XKR9: variants seen among roughly 807,000 people sequenced by gnomAD.
The protein encoded by XKR9 is XK related 9, also known as XK-related protein 9.
XKR9 carries 32 observed loss-of-function variants against 32.0 expected under a neutral mutation model. The observed-to-expected ratio is 1.00, with a 90% CI of 0.76 to 1.34. The LOEUF (loss-of-function observed/expected upper bound fraction) is 1.34, where lower values mean the gene tolerates loss of function less well. Among genes scored for constraint, XKR9 ranks in the 40% most tolerant of loss-of-function variants. XKR9 has a pLI of 0.00. For missense variants in XKR9, 546 were observed against 429.7 expected, an observed-to-expected ratio of 1.27 and a Z score of -2.39; for synonymous variants, 168 against 143.4, an observed-to-expected ratio of 1.17 and a Z score of -1.22.
chr8:70,797,132 C>T, the XKR9 span, among the ~76,000 whole-genome samples: 1 of 152,158 alleles, frequency 6.6e-6, no homozygotes, highest in Non-Finnish European at 1.5e-5. Flanking sequence ...TCAACTAACA[C>T]TTCAGTCTGT....
chr8:71,009,490 T>C, the XKR9 span, among the ~76,000 whole-genome samples: 1 of 152,200 alleles, frequency 6.6e-6, no homozygotes, highest in Non-Finnish European at 1.5e-5. Flanking sequence ...CACTACTGGC[T>C]GAATGGTTGT....
At chr8:70,854,725 T>A in the XKR9 span, among the ~76,000 whole-genome samples, 1 of 152,228 alleles carries the variant, frequency 6.6e-6, no homozygotes, top group African/African-American at 2.4e-5. Context: ...GGATCCAGTT[T>A]CAGCTTTCTA....
the XKR9 span, among the ~76,000 whole-genome samples, chr8:70,796,797 A>G: frequency 6.6e-6 from 1 of 152,328 alleles, no homozygotes; most frequent in South Asian, 2.1e-4. Flanking sequence ...AGCACATAGT[A>G]ACCACTTAAT....
intron 2 of XKR9, among the ~76,000 whole-genome samples, chr8:70,786,880 G>A (rs958769427): frequency 1.3e-5 from 2 of 151,974 alleles, no homozygotes; most frequent in African/African-American, 4.8e-5. Flanking sequence ...CGTGGTTGAT[G>A]GTTTTTCTGT....
chr8:70,742,947 T>A (rs1164121637), intron 2 of XKR9, among the ~76,000 whole-genome samples: 1 of 152,132 alleles, frequency 6.6e-6, no homozygotes, highest in Non-Finnish European at 1.5e-5. Flanking sequence ...TTCTTGAACC[T>A]GTAAATTTTT....
At chr8:70,992,403 AT>A in the XKR9 span, among the ~76,000 whole-genome samples, 1 of 151,932 alleles carries the variant, frequency 6.6e-6, no homozygotes, top group African/African-American at 2.4e-5. Context: ...GAGTTTCCAT[AT>A]TCCTTTTGGT....
intron 2 of XKR9, among the ~76,000 whole-genome samples, chr8:70,747,608 G>T (rs1394694404): frequency 1.3e-5 from 2 of 152,132 alleles, no homozygotes; most frequent in Non-Finnish European, 2.9e-5. Context: ...CCAGCCTCCT[G>T]AACTGTAAGA....
At chr8:70,802,622 T>A in the XKR9 span, among the ~76,000 whole-genome samples, 1 of 152,208 alleles carries the variant, frequency 6.6e-6, no homozygotes, top group Non-Finnish European at 1.5e-5. Context: ...TTTCTTTCCG[T>A]ATTTAGCAGT....
At chr8:71,015,946 A>C in the XKR9 span, among the ~76,000 whole-genome samples, 1 of 152,298 alleles carries the variant, frequency 6.6e-6, no homozygotes, top group Admixed American at 6.5e-5. Flanking sequence ...GTGTATTTTT[A>C]CTAGAAGGAT....
chr8:70,803,318 C>T, the XKR9 span, among the ~76,000 whole-genome samples: 2 of 152,046 alleles, frequency 1.3e-5, no homozygotes, highest in Non-Finnish European at 2.9e-5. Context: ...TTGAAATGGC[C>T]ATTTAATTTT....
intron 2 of XKR9, among the ~76,000 whole-genome samples, chr8:70,783,768 A>T (rs1006682538): frequency 1.1e-4 from 16 of 152,220 alleles, no homozygotes; most frequent in Non-Finnish European, 2.1e-4. Flanking sequence ...GGTCAAATAC[A>T]TTAATCATTT....
the XKR9 span, among the ~76,000 whole-genome samples, chr8:70,842,547 T>TAC: frequency 0.015 from 2,190 of 149,074 alleles, 54 homozygotes; most frequent in Admixed American, 0.036. Context: ...CATCATTATT[T>TAC]ACACACACAC....
At chr8:70,995,612 A>G in the XKR9 span, among the ~76,000 whole-genome samples, 2 of 152,088 alleles carry the variant, frequency 1.3e-5, no homozygotes, top group East Asian at 1.9e-4. Flanking sequence ...CTCTCCATTG[A>G]TATGTTGTTA....
At chr8:70,796,299 A>G in the XKR9 span, among the ~76,000 whole-genome samples, 2 of 152,028 alleles carry the variant, frequency 1.3e-5, no homozygotes, top group African/African-American at 4.8e-5. Flanking sequence ...TCTTGAGTCA[A>G]TTTTGGTAAT....
intron 4 of XKR9, among the ~76,000 whole-genome samples, chr8:70,724,013 C>G (rs1381152714): frequency 6.6e-6 from 1 of 151,786 alleles, no homozygotes; most frequent in Non-Finnish European, 1.5e-5. Context: ...GTGTTCTGTC[C>G]CAGGGAGATG....
chr8:70,698,069 C>G (rs1426309678), intron 3 of XKR9, among the ~76,000 whole-genome samples: 1 of 151,988 alleles, frequency 6.6e-6, no homozygotes. Flanking sequence ...TTTGATTCTT[C>G]TCTCTTTTCT....
chr8:70,757,216 C>G (rs1035373898), intron 2 of XKR9, among the ~76,000 whole-genome samples: 1 of 152,022 alleles, frequency 6.6e-6, no homozygotes, highest in Non-Finnish European at 1.5e-5. Context: ...TCTCATTTCT[C>G]CTCTCCTTCT....
chr8:70,702,885 C>T (rs899876730), intron 3 of XKR9, among the ~76,000 whole-genome samples: 5 of 152,034 alleles, frequency 3.3e-5, no homozygotes, highest in Non-Finnish European at 7.4e-5. Context: ...GTGTTTAATC[C>T]ATTTACATTT....
At chr8:70,787,955 G>A (rs1050666967) in intron 2 of XKR9, among the ~76,000 whole-genome samples, 5 of 152,054 alleles carry the variant, frequency 3.3e-5, no homozygotes, top group Admixed American at 2.6e-4. Context: ...CCATGACATA[G>A]TATCATTTGT....
Sources: allele counts gnomAD v4.1 joint callset (sites outside exome capture counted in the v4.1 genomes callset), GRCh38; gene constraint gnomAD v4.1.1; transcripts MANE v1.5; gene names NCBI Gene and HGNC (gene_info 2026-07-23, HGNC 2026-07-21).